Variants in FNIP1 observed in about 807,000 individuals in gnomAD.
FNIP1 encodes the protein folliculin interacting protein 1, also known as folliculin-interacting protein 1.
A neutral mutation model predicts 124.5 loss-of-function variants in FNIP1; 40 were observed. That is an observed-to-expected ratio of 0.32 (90% confidence interval 0.25 to 0.42). The LOEUF (loss-of-function observed/expected upper bound fraction) is 0.42, where lower values mean the gene tolerates loss of function less well. Among genes scored for constraint, FNIP1 ranks in the 10% least tolerant of loss-of-function variants. The pLI is 1.00. For missense variants in FNIP1, 1,176 were observed against 1,403.7 expected (o/e 0.84, Z 2.59); for synonymous variants, 472 against 470.6 (o/e 1.00, Z -0.04).
chr5:131,796,959 C>G lies in FNIP1; in HGVS notation c.-38G>C, dbSNP rs907197665. On this transcript the variant is annotated 5_prime_UTR_variant, in exon 1 of 18. Transcript: ENST00000510461. ...CAGGCAGGGGTCGCTCCGCTGGGCG[C>G]TTGCTAGGCCCCTGCTCCTACAGCC... 7 of 1,550,126 alleles carry G rather than the reference C, an allele frequency of 4.5e-6. No individual in the cohort carries two copies. Among genetic ancestry groups the G allele is most frequent in the Non-Finnish European group, 6.1e-6 (7 of 1,142,062 alleles).
At chr5:131,780,461 T>C (rs1197304420) in intron 1 of FNIP1, among the ~76,000 whole-genome samples, 1 of 152,096 alleles carries the variant, frequency 6.6e-6, no homozygotes, top group East Asian at 1.9e-4. Context: ...GATACCACTT[T>C]TTTTATTTTT....
chr5:131,721,809 G>C (rs1211425222), intron 3 of FNIP1, among the ~76,000 whole-genome samples: 1 of 152,080 alleles, frequency 6.6e-6, no homozygotes, highest in Non-Finnish European at 1.5e-5. Flanking sequence ...ACATTATAAT[G>C]TCTTGTTTCC....
In FNIP1 at chr5:131,648,428, G is replaced by C. The variant is rs182486084; in HGVS notation, c.3307-1223C>G. On this transcript the variant is annotated intron_variant, in intron 16 of 17. Transcript: ENST00000510461. ...GCTAAACATGTTTGAGGAAAAAACA[G>C]AAGTTTCAGGTGCTAAACATTAAAT... Among the ~76,000 whole-genome samples, 16 of 152,070 alleles carry C rather than the reference G, an allele frequency of 1.1e-4. No homozygotes were observed. The East Asian group carries it at 2.3e-3, about 22-fold the overall frequency.
intron 11 of FNIP1, among the ~76,000 whole-genome samples, chr5:131,693,846 AAAC>A (rs1220224824): frequency 7.9e-5 from 12 of 152,250 alleles, no homozygotes; most frequent in Non-Finnish European, 1.2e-4. Flanking sequence ...AAACAAAACA[AAAC>A]AACAACAACA....
chr5:131,778,367 T>C, intron 1 of FNIP1, among the ~76,000 whole-genome samples: 1 of 152,106 alleles, frequency 6.6e-6, no homozygotes, highest in Non-Finnish European at 1.5e-5. Flanking sequence ...AAAGAAGACA[T>C]TTATGCAGCC....
At chr5:131,731,730 C>T (rs972527588) in intron 2 of FNIP1, among the ~76,000 whole-genome samples, 2 of 151,888 alleles carry the variant, frequency 1.3e-5, no homozygotes, top group African/African-American at 4.8e-5. Flanking sequence ...CTTTTGTGTA[C>T]ATGGGTTATA....
chr5:131,739,426 G>A (rs750181168), intron 2 of FNIP1, among the ~76,000 whole-genome samples: 1 of 152,114 alleles, frequency 6.6e-6, no homozygotes, highest in Non-Finnish European at 1.5e-5. Flanking sequence ...TTAAGATGAT[G>A]CCTTAATCAT....
At chr5:131,644,982 G>A (rs1766825278) in intron 17 of FNIP1, among the ~76,000 whole-genome samples, 1 of 152,146 alleles carries the variant, frequency 6.6e-6, no homozygotes, top group African/African-American at 2.4e-5. Context: ...ACATGCTGAT[G>A]GAACATGAAC....
chr5:131,760,619 G>GT (rs1370451063), intron 1 of FNIP1, among the ~76,000 whole-genome samples: 7 of 152,012 alleles, frequency 4.6e-5, no homozygotes, highest in African/African-American at 1.7e-4. Flanking sequence ...GTAATTATCT[G>GT]TACAGTGCCT....
At chr5:131,690,184 C>G (rs1768429445) in intron 11 of FNIP1, among the ~76,000 whole-genome samples, 1 of 151,966 alleles carries the variant, frequency 6.6e-6, no homozygotes, top group Non-Finnish European at 1.5e-5. Context: ...GATCACGCCA[C>G]TGCACTCCAG....
At chr5:131,709,835 T>C (rs908963420) in intron 7 of FNIP1, among the ~76,000 whole-genome samples, 11 of 152,148 alleles carry the variant, frequency 7.2e-5, no homozygotes, top group African/African-American at 2.7e-4. Context: ...ATTTTTTATA[T>C]CTAATATTTA....
chr5:131,739,812 C>CAAAAAAAAAA (rs60928249), intron 2 of FNIP1, among the ~76,000 whole-genome samples: 7 of 31,376 alleles, frequency 2.2e-4, no homozygotes, highest in African/African-American at 7.1e-4. Flanking sequence ...GACTCCAGCT[C>CAAAAAAAAAA]AAAAAAAAAA....
intron 1 of FNIP1, among the ~76,000 whole-genome samples, chr5:131,747,581 A>C (rs1770723774): frequency 6.6e-6 from 1 of 152,162 alleles, no homozygotes; most frequent in African/African-American, 2.4e-5. Flanking sequence ...CCAGTGAAAA[A>C]GAACATTTTA....
intron 6 of FNIP1, among the ~76,000 whole-genome samples, chr5:131,710,996 G>A (rs772852049): frequency 6.6e-6 from 1 of 152,084 alleles, no homozygotes. Flanking sequence ...GAAAAAGTAC[G>A]ATAATGTTAT....
chr5:131,658,772 T>C (rs995214087), intron 15 of FNIP1, among the ~76,000 whole-genome samples: 1 of 151,762 alleles, frequency 6.6e-6, no homozygotes, highest in African/African-American at 2.4e-5. Context: ...CATTTCACGA[T>C]ATTTGGAATG....
chr5:131,761,893 T>C (rs970277758), intron 1 of FNIP1, among the ~76,000 whole-genome samples: 1 of 152,154 alleles, frequency 6.6e-6, no homozygotes, highest in Non-Finnish European at 1.5e-5. Flanking sequence ...CAAATCAGCA[T>C]GATACTGGTA....
chr5:131,725,811 C>T (rs13161937), intron 3 of FNIP1, among the ~76,000 whole-genome samples: 96,748 of 152,024 alleles, frequency 0.64, 32,846 homozygotes, highest in Non-Finnish European at 0.77. Context: ...TTTGCCCATT[C>T]GGGATGATAC....
At chr5:131,731,455 A>G (rs1163088421) in intron 2 of FNIP1, among the ~76,000 whole-genome samples, 1 of 152,108 alleles carries the variant, frequency 6.6e-6, no homozygotes, top group African/African-American at 2.4e-5. Context: ...GGAGTTCAAG[A>G]CCAGCCCGAC....
At chr5:131,721,850 T>C (rs1347439872) in intron 3 of FNIP1, among the ~76,000 whole-genome samples, 4 of 152,220 alleles carry the variant, frequency 2.6e-5, no homozygotes, top group Admixed American at 2.0e-4. Context: ...AGTTATTCTC[T>C]TTCATTATTC....
Sources: gnomAD v4.1 joint callset for allele counts (sites outside exome capture counted in the v4.1 genomes callset) on GRCh38, gnomAD v4.1.1 for gene constraint, MANE v1.5 for transcripts, NCBI Gene and HGNC (gene_info 2026-07-23, HGNC 2026-07-21) for gene names.